RNF217: variants seen among roughly 807,000 people sequenced by gnomAD.
RNF217 encodes the protein ring finger protein 217, also known as E3 ubiquitin-protein ligase RNF217.
RNF217 carries 31 observed loss-of-function variants against 57.8 expected under a neutral mutation model. The ratio of observed to expected loss-of-function variants is 0.54; its 90% confidence interval spans 0.40 to 0.72. The LOEUF is 0.72. Ranked by LOEUF, RNF217 falls within the 30% of genes least tolerant of loss-of-function variation. RNF217 has a pLI of 0.00. For synonymous variants in RNF217, 313 were observed against 294.0 expected, an observed-to-expected ratio of 1.06 and a Z score of -0.66; for missense variants, 696 against 708.3, an observed-to-expected ratio of 0.98 and a Z score of 0.20.
Position 125,020,210 on chromosome 6 carries a change from T to C in RNF217, c.883-25001T>C, listed in dbSNP as rs1785784803. Among the ~76,000 whole-genome samples, 3 of 152,324 alleles carry C rather than the reference T, an allele frequency of 2.0e-5. No homozygotes were observed. The South Asian group carries it at 6.2e-4, about 32-fold the overall frequency. On this transcript the variant is annotated intron_variant, in intron 1 of 5. Transcript: ENST00000521654. ...CTGCCAAGGTCTTGATTATTCTATT[T>C]TAGTGTATTTCAACAAACAAATACT...
intron 1 of RNF217, among the ~76,000 whole-genome samples, chr6:125,033,602 C>T (rs1010006671): frequency 6.6e-6 from 1 of 151,218 alleles, no homozygotes; most frequent in Non-Finnish European, 1.5e-5. Context: ...CATTGTTGGA[C>T]ATTTGGGTTG....
At chr6:124,984,541 C>CAAAAAAAAAAAAAAAAA (rs750251821) in intron 1 of RNF217, among the ~76,000 whole-genome samples, 2 of 74,230 alleles carry the variant, frequency 2.7e-5, no homozygotes, top group African/African-American at 9.3e-5. Flanking sequence ...GACCCTTTCT[C>CAAAAAAAAAAAAAAAAA]AAAAAAAAAA....
intron 2 of RNF217, among the ~76,000 whole-genome samples, chr6:125,057,073 A>AATT (rs1199957927): frequency 2.6e-5 from 4 of 152,326 alleles, no homozygotes; most frequent in Admixed American, 6.5e-5. Context: ...TTGTTTTTAT[A>AATT]ATTAGCCTGC....
At chr6:125,036,950 G>A (rs745621415) in intron 1 of RNF217, among the ~76,000 whole-genome samples, 2 of 149,684 alleles carry the variant, frequency 1.3e-5, no homozygotes, top group Non-Finnish European at 3.0e-5. Flanking sequence ...GAGAGGAAGT[G>A]GAGAAATAGG....
intron 3 of RNF217, among the ~76,000 whole-genome samples, chr6:125,065,152 G>A (rs1043367952): frequency 6.6e-6 from 1 of 151,664 alleles, no homozygotes; most frequent in African/African-American, 2.4e-5. Flanking sequence ...TTAGCTGGAC[G>A]TAGTGGCAGT....
intron 3 of RNF217, among the ~76,000 whole-genome samples, chr6:125,071,388 T>A (rs1788131962): frequency 6.6e-6 from 1 of 152,070 alleles, no homozygotes; most frequent in African/African-American, 2.4e-5. Flanking sequence ...GTTGCCAGCA[T>A]TTTTTGGATA....
At chr6:125,071,321 G>T (rs576593134) in intron 3 of RNF217, among the ~76,000 whole-genome samples, 2 of 152,270 alleles carry the variant, frequency 1.3e-5, no homozygotes. Flanking sequence ...GAGCTGTGCA[G>T]CTGGCAGTCA....
At chr6:124,989,101 G>A (rs1233568781) in intron 1 of RNF217, among the ~76,000 whole-genome samples, 1 of 136,606 alleles carries the variant, frequency 7.3e-6, no homozygotes, top group Non-Finnish European at 1.6e-5. Context: ...TTACTTTGGT[G>A]CAGCTTCATT....
At chr6:125,048,503 C>G (rs1382489151) in intron 2 of RNF217, among the ~76,000 whole-genome samples, 1 of 152,030 alleles carries the variant, frequency 6.6e-6, no homozygotes, top group African/African-American at 2.4e-5. Flanking sequence ...TTTGTATCTA[C>G]TGATAAAACC....
intron 2 of RNF217, chr6:125,046,745 G>A (rs1444976464): frequency 2.2e-6 from 1 of 451,762 alleles, no homozygotes; most frequent in Admixed American, 2.4e-5. Context: ...TGGTTTAGCA[G>A]GTAGTTTCCT....
intron 1 of RNF217, among the ~76,000 whole-genome samples, chr6:124,989,435 T>G (rs1055824344): frequency 6.6e-6 from 1 of 152,178 alleles, no homozygotes; most frequent in African/African-American, 2.4e-5. Flanking sequence ...TAAGGTAATA[T>G]GCATGGCACT....
At chr6:125,002,725 T>A (rs1785035895) in intron 1 of RNF217, among the ~76,000 whole-genome samples, 1 of 152,170 alleles carries the variant, frequency 6.6e-6, no homozygotes, top group Non-Finnish European at 1.5e-5. Flanking sequence ...TCGTGCTGGC[T>A]TATCAAACTT....
intron 1 of RNF217, among the ~76,000 whole-genome samples, chr6:125,010,079 T>C (rs1785360620): frequency 6.6e-6 from 1 of 151,598 alleles, no homozygotes; most frequent in Non-Finnish European, 1.5e-5. Context: ...AAGACTGCAG[T>C]TGGCCAGCAT....
chr6:125,007,666 T>G (rs1479084321), intron 1 of RNF217, among the ~76,000 whole-genome samples: 1 of 152,196 alleles, frequency 6.6e-6, no homozygotes, highest in African/African-American at 2.4e-5. Flanking sequence ...ACATGTTTTC[T>G]TGTTCTTAAC....
chr6:125,087,086 C>T lies in RNF217; in HGVS notation c.*4149C>T, dbSNP rs1474606589. 6.6e-6 allele frequency: 1 copy of T among 152,112 alleles called. No individual in the cohort carries two copies. The highest frequency in any genetic ancestry group is 1.5e-5 in the Non-Finnish European group (1 of 68,018). 9.4% of individuals were successfully genotyped at this position (152,112 alleles called of 1,614,324 possible). A position where few individuals can be genotyped will look rare whatever the true frequency, so the allele number is the denominator to read the frequency against. On this transcript the variant is annotated 3_prime_UTR_variant, in exon 6 of 6. Coordinates refer to ENST00000521654, the MANE Select transcript of RNF217 (RefSeq NM_001286398.3). ...GAGACAGGAGGGGCCTAAAAACTCA[C>T]TCTGGTATGTGGGAAACATTAGAAT...
At chr6:125,056,100 G>C (rs1001245824) in intron 2 of RNF217, among the ~76,000 whole-genome samples, 20 of 152,180 alleles carry the variant, frequency 1.3e-4, no homozygotes, top group Admixed American at 3.3e-4. Context: ...TTATTGAATA[G>C]TTTAATGATA....
chr6:124,997,256 G>T (rs1232517705), intron 1 of RNF217, among the ~76,000 whole-genome samples: 1 of 152,088 alleles, frequency 6.6e-6, no homozygotes, highest in Non-Finnish European at 1.5e-5. Flanking sequence ...TTGCATGTAT[G>T]GCTGCTTCAC....
chr6:125,063,345 T>C (rs905268710), intron 3 of RNF217, among the ~76,000 whole-genome samples: 1 of 152,206 alleles, frequency 6.6e-6, no homozygotes, highest in Non-Finnish European at 1.5e-5. Flanking sequence ...TATTTTATTC[T>C]AAGGTCAACA....
intron 1 of RNF217, among the ~76,000 whole-genome samples, chr6:124,999,543 C>T (rs1015274511): frequency 6.6e-6 from 1 of 151,774 alleles, no homozygotes; most frequent in African/African-American, 2.4e-5. Flanking sequence ...GTACTTTAGG[C>T]TCATAGACTG....
Sources: allele counts gnomAD v4.1 joint callset (sites outside exome capture counted in the v4.1 genomes callset), GRCh38; gene constraint gnomAD v4.1.1; transcripts MANE v1.5; gene names NCBI Gene and HGNC (gene_info 2026-07-23, HGNC 2026-07-21).